The following API5 variants were observed in gnomAD, a reference collection of about 807,000 sequenced individuals.
API5 encodes the protein apoptosis inhibitor 5.
Under a neutral mutation model 71.9 loss-of-function variants are expected in API5, and 6 were observed. The observed-to-expected ratio is 0.08, with a 90% confidence interval of 0.05 to 0.16. The LOEUF (loss-of-function observed/expected upper bound fraction) is 0.16, where lower values mean the gene tolerates loss of function less well. Among genes scored for constraint, API5 ranks in the 10% least tolerant of loss-of-function variants. API5 has a pLI of 1.00. For synonymous variants in API5, 189 were observed against 221.3 expected, an observed-to-expected ratio of 0.85 and a Z score of 1.30; for missense variants, 332 against 612.8, an observed-to-expected ratio of 0.54 and a Z score of 4.84.
chr11:43,335,759 T>G (rs560277060), intron 12 of API5, 99 bp from the exon 13 acceptor site: 2 of 1,305,854 alleles, frequency 1.5e-6, no homozygotes, highest in Non-Finnish European at 2.1e-6. Context: ...TTATCCTCTT[T>G]AGGATGTCTT....
At chr11:43,312,574 A>G (rs1401559947) in intron 1 of API5, among the ~76,000 whole-genome samples, 1 of 151,928 alleles carries the variant, frequency 6.6e-6, no homozygotes, top group African/African-American at 2.4e-5. Flanking sequence ...AGTTTTCTTC[A>G]TGAGGTCAAG....
At chr11:43,318,864 T>C (rs747583961) in intron 2 of API5, 63 bp downstream of exon 2, 301 of 1,498,470 alleles carry the variant, frequency 2.0e-4, no homozygotes, top group Non-Finnish European at 2.6e-4. Context: ...GCTGATACAA[T>C]TGGAGTAGCA....
intron 1 of API5, among the ~76,000 whole-genome samples, chr11:43,316,794 G>A (rs1468928132): frequency 6.6e-6 from 1 of 152,072 alleles, no homozygotes; most frequent in Admixed American, 6.6e-5. Flanking sequence ...AGCTGGGACT[G>A]CAAGCACACA....
chr11:43,323,690 A>G (rs538534179), intron 6 of API5, 54 bp downstream of exon 6: 4 of 1,533,908 alleles, frequency 2.6e-6, no homozygotes, highest in East Asian at 2.3e-5. Context: ...ATTTCCATAA[A>G]TACTCACTTT....
chr11:43,322,920 G>T (rs1854943635), intron 5 of API5, among the ~76,000 whole-genome samples: 1 of 152,106 alleles, frequency 6.6e-6, no homozygotes, highest in Non-Finnish European at 1.5e-5. Context: ...GAAAGATTTA[G>T]ACCCACTGAT....
intron 11 of API5, chr11:43,332,102 G>A (rs1023669560): frequency 6.6e-6 from 1 of 152,196 alleles, no homozygotes; most frequent in Non-Finnish European, 1.5e-5. Context: ...GGAAGGTATA[G>A]GGGAAAGAGA....
chr11:43,330,644 T>C (rs1423307529), intron 11 of API5, 80 bp downstream of exon 11: 1 of 1,143,442 alleles, frequency 8.7e-7, no homozygotes, highest in East Asian at 2.5e-5. Context: ...TTGCATAAGA[T>C]ACTTCCAACA....
chr11:43,315,237 G>A (rs765514695), intron 1 of API5, among the ~76,000 whole-genome samples: 13 of 152,118 alleles, frequency 8.5e-5, no homozygotes, highest in South Asian at 2.1e-4. Context: ...AGCCGTCTGA[G>A]GTTTTATCGG....
chr11:43,336,142 A>G, intron 13 of API5, 148 bp downstream of exon 13: 1 of 1,048,390 alleles, frequency 9.5e-7, no homozygotes, highest in Non-Finnish European at 1.3e-6. Context: ...TGTTGAGGAA[A>G]TGATTTATCC....
At chr11:43,322,223 C>T (rs1854918721) in intron 5 of API5, 87 bp downstream of exon 5, 2 of 1,301,220 alleles carry the variant, frequency 1.5e-6, no homozygotes, top group Middle Eastern at 1.9e-4. Flanking sequence ...TTATGTGTGG[C>T]TTGTGTATAA....
Position 43,324,739 on chromosome 11 carries a change from A to G in API5, c.750+1103A>G, listed in dbSNP as rs5743229. ...ATCCCCCAGGCTGGAGTGCAGTGGC[A>G]TGATCTTGGCTGACTGCAACCTCCA... On this transcript the variant is annotated intron_variant, in intron 6 of 13. Transcript: ENST00000531273. 2.5e-3 allele frequency among the ~76,000 whole-genome samples: 386 copies of G among 152,242 alleles called. 1 individual carries two copies. The highest frequency in any genetic ancestry group is 3.7e-3 in the Non-Finnish European group (255 of 68,018).
chr11:43,313,247 G>T (rs1016623219), intron 1 of API5, among the ~76,000 whole-genome samples: 4 of 152,178 alleles, frequency 2.6e-5, no homozygotes, highest in Non-Finnish European at 5.9e-5. Context: ...TCTTAACGAT[G>T]CTTGCCCCCG....
At chr11:43,317,347 T>G (rs1439458759) in intron 1 of API5, among the ~76,000 whole-genome samples, 1 of 152,132 alleles carries the variant, frequency 6.6e-6, no homozygotes, top group Non-Finnish European at 1.5e-5. Context: ...TATTGATTCC[T>G]CCCATTATGA....
At chr11:43,317,815 T>G (rs1437025894) in intron 1 of API5, among the ~76,000 whole-genome samples, 3 of 151,926 alleles carry the variant, frequency 2.0e-5, no homozygotes, top group Non-Finnish European at 4.4e-5. Flanking sequence ...GGAGCTGGGA[T>G]TACAAATGTC....
chr11:43,340,265 A>G (rs1292284257), intron 13 of API5: 9 of 327,558 alleles, frequency 2.7e-5, no homozygotes, highest in Admixed American at 9.3e-5. Flanking sequence ...CAAAACACTG[A>G]TGAAAGAAAT....
intron 11 of API5, among the ~76,000 whole-genome samples, chr11:43,334,773 G>A (rs1855373832): frequency 6.6e-6 from 1 of 151,910 alleles, no homozygotes; most frequent in Non-Finnish European, 1.5e-5. Flanking sequence ...TATTTCATAG[G>A]GCACGGGGAA....
At chr11:43,335,764 T>C (rs551634193) in intron 12 of API5, 94 bp from the exon 13 acceptor site, 1,122 of 1,317,000 alleles carry the variant, frequency 8.5e-4, no homozygotes, top group Non-Finnish European at 1.0e-3. Context: ...CTCTTTAGGA[T>C]GTCTTTCCTA....
At chr11:43,321,683 A>G (rs968756230) in intron 4 of API5, among the ~76,000 whole-genome samples, 4 of 152,224 alleles carry the variant, frequency 2.6e-5, no homozygotes, top group Non-Finnish European at 5.9e-5. Flanking sequence ...ACGTTTTTCC[A>G]TTAGAAATCT....
rs948006794 is a variant in API5, at chr11:43,316,164, A to C, written c.70-2476A>C. 2.6e-5 allele frequency among the ~76,000 whole-genome samples: 4 copies of C among 152,120 alleles called. No homozygotes were observed. The East Asian group carries it at 7.7e-4, about 29-fold the overall frequency. ...ATTAAGCTAAAACCACTGACCAACC[A>C]AGTTCGTAATCCCTCAAAAATATGT... is the stretch of plus-strand genomic sequence containing the variant. On this transcript the variant is annotated intron_variant, in intron 1 of 13. Coordinates refer to ENST00000531273, the MANE Select transcript of API5 (RefSeq NM_001142930.2).
Sources: allele counts gnomAD v4.1 joint callset (sites outside exome capture counted in the v4.1 genomes callset), GRCh38; gene constraint gnomAD v4.1.1; transcripts MANE v1.5; gene names NCBI Gene and HGNC (gene_info 2026-07-23, HGNC 2026-07-21).